The following SLFN5 variants were observed in gnomAD, a reference collection of about 807,000 sequenced individuals.
SLFN5 encodes the protein schlafen family member 5.
A neutral mutation model predicts 48.5 loss-of-function variants in SLFN5; 34 were observed. The ratio of observed to expected loss-of-function variants is 0.70; its 90% CI spans 0.53 to 0.93. The LOEUF is 0.93. SLFN5 is among the 40% of genes least tolerant of loss of function. SLFN5 has a pLI of 0.00. For synonymous variants in SLFN5, 387 were observed against 396.2 expected, an observed-to-expected ratio of 0.98 and a Z score of 0.28; for missense variants, 1,006 against 1,071.3, an observed-to-expected ratio of 0.94 and a Z score of 0.85.
Position 35,267,768 on chromosome 17 carries a change from T to C in SLFN5, c.*1880T>C, listed in dbSNP as rs1904738671. ...AAAAAAAGAATTTAAAAGTTTTATA[T>C]AAAGGCATAGCTACTATCTCATCTG... On this transcript the variant is annotated 3_prime_UTR_variant, in exon 5 of 5. Coordinates refer to ENST00000299977, the MANE Select transcript of SLFN5 (RefSeq NM_144975.4). 1 of 152,192 alleles carries C rather than the reference T, an allele frequency of 6.6e-6. No individual in the cohort carries two copies. Among genetic ancestry groups the C allele is most frequent in the Non-Finnish European group, 1.5e-5 (1 of 68,044 alleles). The allele number at this position is 152,192 out of a possible 1,614,324, so 9.4% of individuals were successfully genotyped here.
rs1336835090 is a variant in SLFN5, at chr17:35,269,675, G to C, written c.*3787G>C. On this transcript the variant is annotated 3_prime_UTR_variant, in exon 5 of 5. Transcript: ENST00000299977. Reference sequence around the variant, plus strand: ...AAGGAGGTTAAATTACAGTGAGAGAGTTGCACTTATTTAGTTTGCATACCG... The same window carrying C: ...AAGGAGGTTAAATTACAGTGAGAGACTTGCACTTATTTAGTTTGCATACCG... 1 of 152,146 alleles carries C rather than the reference G, an allele frequency of 6.6e-6. No individual in the cohort carries two copies. Among genetic ancestry groups the C allele is most frequent in the Non-Finnish European group, 1.5e-5 (1 of 68,034 alleles). The allele number at this position is 152,146 out of a possible 1,614,324, so 9.4% of individuals were successfully genotyped here.
intron 1 of SLFN5, among the ~76,000 whole-genome samples, chr17:35,255,327 T>C (rs956833392): frequency 6.6e-6 from 1 of 152,264 alleles, no homozygotes; most frequent in African/African-American, 2.4e-5. Flanking sequence ...TGCCTTTGGT[T>C]TTTCTTTCTT....
intron 3 of SLFN5, among the ~76,000 whole-genome samples, chr17:35,262,585 G>A (rs527999801): frequency 5.9e-5 from 9 of 152,220 alleles, no homozygotes; most frequent in African/African-American, 1.2e-4. Context: ...AAAGATGGCC[G>A]GGTGAGGTGG....
At position 35,267,255 on chromosome 17, in the gene SLFN5, A is replaced by G. The variant is rs1375800560; in HGVS notation, c.*1367A>G. The G allele has an allele frequency of 2.0e-5, 3 of 152,362 alleles. No homozygotes were observed. 9.4% of individuals were successfully genotyped at this position (152,362 alleles called of 1,614,324 possible). On this transcript the variant is annotated 3_prime_UTR_variant, in exon 5 of 5. Transcript: ENST00000299977. ...TGAATAAGGATCTGAATAAATCCAG[A>G]TCACAGACTGTTCCTTTACCAATAT...
In SLFN5 at chr17:35,258,634, A is replaced by G. The variant is rs1567790379; in HGVS notation, c.-40-17A>G. 1 of 1,559,702 alleles carries G rather than the reference A, an allele frequency of 6.4e-7. No individual in the cohort carries two copies. The highest frequency in any genetic ancestry group is 8.7e-7 in the Non-Finnish European group (1 of 1,153,122). On this transcript the variant is annotated splice_polypyrimidine_tract_variant and intron_variant, in intron 1 of 4. Transcript: ENST00000299977. ...ATTCTTGTCCTGTTCTAATGGTTCT[A>G]TCTTTCTGTTTTTCAGGAGAACATT...
At chr17:35,255,622 G>A (rs547140653) in intron 1 of SLFN5, among the ~76,000 whole-genome samples, 2 of 152,298 alleles carry the variant, frequency 1.3e-5, no homozygotes, top group African/African-American at 2.4e-5. Context: ...TGAGCAGAAA[G>A]CTTGTACTTG....
At position 35,258,952 on chromosome 17, in the gene SLFN5, A is replaced by G. The variant is rs371568962; in HGVS notation, c.262A>G (p.Lys88Glu). Residue 88 changes from lysine to glutamate, a missense_variant, in exon 2 of 5, where the codon AAG becomes GAG. By Grantham distance (56) the Lys-to-Glu change is moderately conservative. Coordinates refer to ENST00000299977, the MANE Select transcript of SLFN5 (RefSeq NM_144975.4). ...TCCAATTTTCAGAAGCCATTTAGAT[A>G]AGATGCAGAAGGAAAACCACTTTTT... is the stretch of plus-strand genomic sequence containing the variant. ...VPPIFRSHLD[K>E]MQKENHFLIF... 1.9e-6 allele frequency: 3 copies of G among 1,614,110 alleles called. No individual in the cohort carries two copies. Among genetic ancestry groups the G allele is most frequent in the African/African-American group, 2.7e-5 (2 of 74,930 alleles).
chr17:35,249,963 A>C (rs756291952), intron 1 of SLFN5, among the ~76,000 whole-genome samples: 12 of 152,246 alleles, frequency 7.9e-5, no homozygotes, highest in Non-Finnish European at 1.8e-4. Context: ...CCATTACCCA[A>C]ACTTCCCCAA....
chr17:35,250,501 A>G (rs2092439862), intron 1 of SLFN5, among the ~76,000 whole-genome samples: 1 of 152,152 alleles, frequency 6.6e-6, no homozygotes, highest in Non-Finnish European at 1.5e-5. Flanking sequence ...CTAAAAAAAA[A>G]TATCAAAAAT....
chr17:35,254,279 T>TTCAAAAACCAAAACAC (rs1240659492), intron 1 of SLFN5, among the ~76,000 whole-genome samples: 44 of 152,328 alleles, frequency 2.9e-4, no homozygotes, highest in African/African-American at 1.0e-3. Context: ...AAGTGATCTG[T>TTCAAAAACCAAAACAC]CAATTGCATG....
intron 1 of SLFN5, among the ~76,000 whole-genome samples, chr17:35,255,781 A>G (rs1361677864): frequency 6.6e-6 from 1 of 152,244 alleles, no homozygotes; most frequent in East Asian, 1.9e-4. Flanking sequence ...ACTCCAGATT[A>G]AGAAATACAT....
At chr17:35,263,561 G>A (rs1395876477) in intron 3 of SLFN5, among the ~76,000 whole-genome samples, 3 of 151,960 alleles carry the variant, frequency 2.0e-5, no homozygotes, top group East Asian at 1.9e-4. Context: ...GGTGACGCAC[G>A]CCTGTGATCC....
In SLFN5 at chr17:35,259,060, T is replaced by A; in HGVS notation, c.370T>A (p.Ser124Thr). ...CAATTTGTACCACAGAGAGAGAACATCCACCGATGTCATGGATTCTCAGGA... is the reference window on the plus strand; with the variant it reads ...CAATTTGTACCACAGAGAGAGAACAACCACCGATGTCATGGATTCTCAGGA... ...CSNLYHRERT[S>T]TDVMDSQEAL... The change falls in exon 2 of 5, where the codon TCC becomes ACC. Residue 124 changes from serine to threonine, a missense_variant. By Grantham distance (58) the Ser-to-Thr change is moderately conservative (BLOSUM62 1). Transcript: ENST00000299977. 1 of 1,614,134 alleles carries A rather than the reference T, an allele frequency of 6.2e-7. No homozygotes were observed. Among genetic ancestry groups the A allele is most frequent in the African/African-American group, 1.3e-5 (1 of 75,028 alleles).
In SLFN5 at chr17:35,258,818, T is replaced by C; in HGVS notation, c.128T>C (p.Ile43Thr). The part of the protein sequence containing the change: ...PRLREKQNEI[I>T]LRAVCALLNS... ...CTGCGGGAGAAACAGAATGAAATCA[T>C]CCTGCGAGCAGTATGTGCTCTGCTG... is the stretch of plus-strand genomic sequence containing the variant. The change falls in exon 2 of 5, where the codon ATC (isoleucine) becomes ACC (threonine). Residue 43 changes from isoleucine to threonine, a missense_variant. Coordinates refer to ENST00000299977, the MANE Select transcript of SLFN5 (RefSeq NM_144975.4). The C allele has an allele frequency of 6.2e-7, 1 of 1,614,168 alleles. No individual in the cohort carries two copies. The highest frequency in any genetic ancestry group is 1.7e-5 in the Admixed American group (1 of 60,008).
At chr17:35,253,063 TGGCTG>T (rs1169481001) in intron 1 of SLFN5, among the ~76,000 whole-genome samples, 1 of 152,028 alleles carries the variant, frequency 6.6e-6, no homozygotes, top group Non-Finnish European at 1.5e-5. Flanking sequence ...ACAATTTTGG[TGGCTG>T]GGAAGTCCAA....
rs764557865 is a variant in SLFN5 at position 35,265,578 on chromosome 17, A to G, written c.2366A>G (p.Asp789Gly). ...FLLRNGYSPKDIAVLFTKASE... is the reference protein window; with the variant it reads ...FLLRNGYSPKGIAVLFTKASE... ...TTGCGGAATGGTTATTCTCCGAAGG[A>G]TATTGCTGTGCTTTTCACCAAAGCA... Residue 789 changes from aspartate (D) to glycine (G), a missense_variant, in exon 5 of 5, where the codon GAT (aspartate) becomes GGT (glycine). Asp to Gly is a moderately conservative substitution (Grantham distance 94). Coordinates refer to ENST00000299977, the MANE Select transcript of SLFN5 (RefSeq NM_144975.4). 5 of 1,614,124 alleles carry G rather than the reference A, an allele frequency of 3.1e-6. No homozygotes were observed. In the Admixed American group the frequency reaches 8.3e-5, roughly 27 times the overall value.
rs762603624 is a variant in SLFN5 at position 35,272,154 on chromosome 17, A to T, written c.*6266A>T. 1 of 152,232 alleles carries T rather than the reference A, an allele frequency of 6.6e-6. No homozygotes were observed. Among genetic ancestry groups the T allele is most frequent in the Non-Finnish European group, 1.5e-5 (1 of 68,038 alleles). The allele number at this position is 152,232 out of a possible 1,614,324, so 9.4% of individuals were successfully genotyped here. A position where few individuals can be genotyped will look rare whatever the true frequency, so the allele number is the denominator to read the frequency against. ...AACATCTTATAAAGCTACAATAATT[A>T]AAACAATGTGGTGCTGATATGTGGA... On this transcript the variant is annotated 3_prime_UTR_variant, in exon 5 of 5. Transcript: ENST00000299977.
chr17:35,258,763 A>G lies in SLFN5; in HGVS notation c.73A>G (p.Thr25Ala). 1 of 1,614,124 alleles carries G rather than the reference A, an allele frequency of 6.2e-7. No individual in the cohort carries two copies. Among genetic ancestry groups the G allele is most frequent in the Non-Finnish European group, 8.5e-7 (1 of 1,180,024 alleles). Residue 25 changes from threonine (T) to alanine (A), a missense_variant, in exon 2 of 5, where the codon ACT becomes GCT. Transcript: ENST00000299977. ...VVDAGKVTLG[T>A]QQRQEMDPRL... The stretch of plus-strand genomic sequence containing the variant: ...AGATGCAGGAAAAGTCACCCTTGGG[A>G]CTCAGCAGAGGCAGGAGATGGACCC...
chr17:35,273,528 A>G lies in SLFN5; in HGVS notation c.*7640A>G, dbSNP rs1904886239. The G allele has an allele frequency of 6.6e-6, 1 of 152,054 alleles. No individual in the cohort carries two copies. Among genetic ancestry groups the G allele is most frequent in the South Asian group, 2.1e-4 (1 of 4,828 alleles). 9.4% of individuals were successfully genotyped at this position (152,054 alleles called of 1,614,324 possible). A position where few individuals can be genotyped will look rare whatever the true frequency, so the allele number is the denominator to read the frequency against. ...GAATAATGATGTGTGGAGAGTGGGG[A>G]GGGTTTACATATGAAAAATGTAGAA... On this transcript the variant is annotated 3_prime_UTR_variant, in exon 5 of 5. Transcript: ENST00000299977.
Sources: allele counts gnomAD v4.1 joint callset (sites outside exome capture counted in the v4.1 genomes callset), GRCh38; gene constraint gnomAD v4.1.1; transcripts MANE v1.5; gene names NCBI Gene and HGNC (gene_info 2026-07-23, HGNC 2026-07-21).